DAPK1: variants seen among roughly 807,000 people sequenced by gnomAD.
The protein encoded by DAPK1 is death-associated protein kinase 1.
DAPK1 carries 56 observed loss-of-function variants against 144.9 expected under a neutral mutation model. That is an observed-to-expected ratio of 0.39 (90% CI 0.31 to 0.48). DAPK1 has a LOEUF of 0.48. DAPK1 is among the 20% of genes least tolerant of loss of function. The pLI, the probability that DAPK1 is intolerant of heterozygous loss-of-function variation, is 0.95. For synonymous variants in DAPK1, 690 were observed against 749.0 expected (o/e 0.92, Z 1.29); for missense variants, 1,454 against 1,875.4 (o/e 0.78, Z 4.15).
intron 18 of DAPK1, among the ~76,000 whole-genome samples, chr9:87,660,752 A>G (rs1830816600): frequency 6.6e-6 from 1 of 152,194 alleles, no homozygotes; most frequent in Non-Finnish European, 1.5e-5. Flanking sequence ...TCTGTGTCTC[A>G]GTTGTTTCAC....
rs1476994920 is a variant in DAPK1 at position 87,668,654 on chromosome 9, C to T, written c.1981C>T (p.Leu661Phe). ...GGAACAGCACGAGCACGTAGCAGGT[C>T]TCCTTGCAAGACTTCGAAAGGTGAG... ...RSEQHEHVAG[L>F]LARLRKDTHR... Residue 661 changes from leucine (L) to phenylalanine (F), a missense_variant, in exon 19 of 26, where the codon CTC becomes TTC. By Grantham distance (22) the Leu-to-Phe change is conservative (BLOSUM62 0). This residue lies in a region of DAPK1 where 1,025 missense variants were observed against 1,237.9 expected (regional missense o/e 0.83). Coordinates refer to ENST00000408954, the MANE Select transcript of DAPK1 (RefSeq NM_004938.4). 7.1e-7 allele frequency: 1 copy of T among 1,406,924 alleles called. No homozygotes were observed. The highest frequency in any genetic ancestry group is 1.4e-5 in the African/African-American group (1 of 71,092). 87.2% of individuals were successfully genotyped at this position (1,406,924 alleles called of 1,614,324 possible).
chr9:87,590,859 G>T (rs1176386043), intron 2 of DAPK1, among the ~76,000 whole-genome samples: 1 of 152,190 alleles, frequency 6.6e-6, no homozygotes, highest in Non-Finnish European at 1.5e-5. Flanking sequence ...GAAGTGCTGG[G>T]ATTACAGGCG....
intron 2 of DAPK1, among the ~76,000 whole-genome samples, chr9:87,508,069 G>A (rs1439000709): frequency 2.0e-5 from 3 of 152,158 alleles, no homozygotes; most frequent in African/African-American, 7.2e-5. Context: ...CTAGAGTGCA[G>A]TGGCATGCTC....
At chr9:87,633,352 A>G (rs1829780166) in intron 3 of DAPK1, 3 of 985,002 alleles carry the variant, frequency 3.0e-6, no homozygotes, top group Non-Finnish European at 3.6e-6. Flanking sequence ...ATATGTGCGT[A>G]TGGGTGAGGG....
intron 2 of DAPK1, among the ~76,000 whole-genome samples, chr9:87,548,852 C>T (rs1215873717): frequency 2.1e-5 from 3 of 145,668 alleles, no homozygotes; most frequent in Non-Finnish European, 3.0e-5. Flanking sequence ...CCACCCTCCA[C>T]AGTAGGTTGT....
intron 2 of DAPK1, among the ~76,000 whole-genome samples, chr9:87,596,417 T>A (rs1374744149): frequency 6.6e-6 from 1 of 152,174 alleles, no homozygotes; most frequent in Admixed American, 6.5e-5. Context: ...AGGCCAGCAA[T>A]AAGCCCTGCC....
chr9:87,562,772 A>G lies in DAPK1; in HGVS notation c.63-42182A>G, dbSNP rs572174416. On this transcript the variant is annotated intron_variant, in intron 2 of 25. Transcript: ENST00000408954. ...AAATAAACCTTGCCAAGTGTAATTC[A>G]TCAAATAATAGCATGTCAGGTGCCC... Among the ~76,000 whole-genome samples, 13 of 152,374 alleles carry G rather than the reference A, an allele frequency of 8.5e-5. No individual in the cohort carries two copies. In the South Asian group the frequency reaches 2.7e-3, roughly 32 times the overall value.
chr9:87,500,358 C>T (rs1004291192), intron 2 of DAPK1, among the ~76,000 whole-genome samples: 2 of 152,036 alleles, frequency 1.3e-5, no homozygotes, highest in Non-Finnish European at 2.9e-5. Context: ...CATCACATTT[C>T]ATGGATATGT....
chr9:87,593,377 G>A (rs1195164398), intron 2 of DAPK1, among the ~76,000 whole-genome samples: 2 of 152,216 alleles, frequency 1.3e-5, no homozygotes, highest in Non-Finnish European at 2.9e-5. Flanking sequence ...CAGGCAAATA[G>A]TATCTTGACT....
chr9:87,514,265 A>G (rs1444720808), intron 2 of DAPK1, among the ~76,000 whole-genome samples: 2 of 152,118 alleles, frequency 1.3e-5, no homozygotes, highest in African/African-American at 4.8e-5. Flanking sequence ...GGGGAGAGAA[A>G]AGGCTGCCAG....
intron 2 of DAPK1, among the ~76,000 whole-genome samples, chr9:87,535,194 G>C (rs980102896): frequency 6.6e-6 from 1 of 151,918 alleles, no homozygotes; most frequent in Non-Finnish European, 1.5e-5. Flanking sequence ...CCTGTTTCTG[G>C]TGTCACCTCT....
At chr9:87,527,255 G>A (rs544335027) in intron 2 of DAPK1, among the ~76,000 whole-genome samples, 6 of 152,308 alleles carry the variant, frequency 3.9e-5, no homozygotes, top group African/African-American at 1.4e-4. Context: ...AGCATTGTAC[G>A]TCCTTGGGCT....
intron 2 of DAPK1, among the ~76,000 whole-genome samples, chr9:87,595,141 C>T (rs1039936708): frequency 1.3e-5 from 2 of 152,188 alleles, no homozygotes; most frequent in South Asian, 4.1e-4. Flanking sequence ...CCCAAGAAAA[C>T]TGGACTTCAG....
At chr9:87,668,543 C>A (rs1831136048) in intron 18 of DAPK1, 54 bp from the exon 19 acceptor site, 1 of 912,590 alleles carries the variant, frequency 1.1e-6, no homozygotes. Flanking sequence ...GCGTATGGAA[C>A]ACACACAGCT....
chr9:87,562,595 A>G (rs1396715664), intron 2 of DAPK1, among the ~76,000 whole-genome samples: 1 of 152,350 alleles, frequency 6.6e-6, no homozygotes, highest in East Asian at 1.9e-4. Context: ...AGAGAATTCT[A>G]TAATATTTTT....
At chr9:87,529,057 AC>A (rs1825618017) in intron 2 of DAPK1, among the ~76,000 whole-genome samples, 2 of 152,122 alleles carry the variant, frequency 1.3e-5, no homozygotes, top group South Asian at 4.1e-4. Flanking sequence ...CTGGCAGGCT[AC>A]TAAGCATGCA....
At position 87,498,062 on chromosome 9, in the gene DAPK1, C is replaced by T; in HGVS notation, c.-154C>T. 2 of 397,940 alleles carry T rather than the reference C, an allele frequency of 5.0e-6. No individual in the cohort carries two copies. The highest frequency in any genetic ancestry group is 8.9e-6 in the Non-Finnish European group (2 of 225,690). The allele number at this position is 397,940 out of a possible 1,614,324, so 24.7% of individuals were successfully genotyped here. On this transcript the variant is annotated 5_prime_UTR_variant, in exon 1 of 26. Transcript: ENST00000408954. ...TCCGGCGCTGGCGCCTATGGTCGGC[C>T]TCCGACAGCGCTCCGGAGGGACCGG...
At chr9:87,622,325 C>T (rs1242803999) in intron 3 of DAPK1, among the ~76,000 whole-genome samples, 1 of 152,028 alleles carries the variant, frequency 6.6e-6, no homozygotes, top group East Asian at 1.9e-4. Flanking sequence ...ACCTCCTACA[C>T]CAGACACCCT....
Position 87,706,641 on chromosome 9 carries a change from C to T in DAPK1, c.3570C>T (p.His1190=), listed in dbSNP as rs747916770. Residue 1190 remains histidine (H), a synonymous_variant, in exon 26 of 26, where the codon CAC becomes CAT. Coordinates refer to ENST00000408954, the MANE Select transcript of DAPK1 (RefSeq NM_004938.4). The surrounding 1 kb of genome is among the most constrained non-coding windows in gnomAD (Gnocchi z 9.0). ...GAELLVLLVN[H]GQGIEVQVRG... ...AGCTGCTGGTGCTGCTGGTCAACCA[C>T]GGCCAGGGCATTGAGGTCCAGGTCC... 2.4e-5 allele frequency: 38 copies of T among 1,612,478 alleles called. No homozygotes were observed. The highest frequency in any genetic ancestry group is 2.2e-4 in the South Asian group (20 of 91,056).
Sources: allele counts gnomAD v4.1 joint callset (sites outside exome capture counted in the v4.1 genomes callset), GRCh38; gene constraint gnomAD v4.1.1; regional missense constraint gnomAD v4.1.1; non-coding constraint Gnocchi (gnomAD v3.1); transcripts MANE v1.5; gene names NCBI Gene and HGNC (gene_info 2026-07-23, HGNC 2026-07-21).